DDX60: variants seen among roughly 807,000 people sequenced by gnomAD.
DDX60 encodes the protein probable ATP-dependent RNA helicase DDX60.
Under a neutral mutation model 212.8 loss-of-function variants are expected in DDX60, and 165 were observed. That is an observed-to-expected ratio of 0.78 (90% CI 0.68 to 0.88). The LOEUF (loss-of-function observed/expected upper bound fraction) is 0.88. Ranked by LOEUF, DDX60 falls within the 40% of genes least tolerant of loss-of-function variation. The pLI is 0.00. For synonymous variants in DDX60, 703 were observed against 685.3 expected, an observed-to-expected ratio of 1.03 and a Z score of -0.40; for missense variants, 1,905 against 2,003.9, an observed-to-expected ratio of 0.95 and a Z score of 0.94.
chr4:168,314,363 T>C (rs1259759056), intron 1 of DDX60, among the ~76,000 whole-genome samples: 1 of 151,608 alleles, frequency 6.6e-6, no homozygotes, highest in East Asian at 1.9e-4. Context: ...CAATAGACAT[T>C]TGAGGCACAC....
rs117561268 is a variant in DDX60, at chr4:168,231,368, C to T, written c.4533+4884G>A. Among the ~76,000 whole-genome samples, 10 of 151,332 alleles carry T rather than the reference C, an allele frequency of 6.6e-5. No individual in the cohort carries two copies. The East Asian group carries it at 1.7e-3, about 26-fold the overall frequency. ...CTAAATTGTTCTATGAAGCCAATATCATCTTAATGTCAAAACCAGGAAATG... is the reference window on the plus strand; with the variant it reads ...CTAAATTGTTCTATGAAGCCAATATTATCTTAATGTCAAAACCAGGAAATG... On this transcript the variant is annotated intron_variant, in intron 33 of 37. Coordinates refer to ENST00000393743, the MANE Select transcript of DDX60 (RefSeq NM_017631.6).
chr4:168,304,030 AT>A (rs1736768201), intron 5 of DDX60, among the ~76,000 whole-genome samples: 1 of 152,200 alleles, frequency 6.6e-6, no homozygotes, highest in South Asian at 2.1e-4. Flanking sequence ...TATGTACAGT[AT>A]ATAATACTTG....
intron 8 of DDX60, among the ~76,000 whole-genome samples, chr4:168,290,502 T>C (rs1736045399): frequency 6.6e-6 from 1 of 151,218 alleles, no homozygotes; most frequent in South Asian, 2.1e-4. Flanking sequence ...CTACTTTTTA[T>C]TTTTTTTGGT....
chr4:168,217,098 C>G, intron 37 of DDX60, 66 bp from the exon 38 acceptor site: 1 of 1,026,524 alleles, frequency 9.7e-7, no homozygotes, highest in Non-Finnish European at 1.4e-6. Context: ...AAAGGCTTTC[C>G]TTGGTTAGGC....
At chr4:168,238,236 CAAAAAAAAAAAAA>C (rs57638327) in intron 30 of DDX60, among the ~76,000 whole-genome samples, 4 of 80,892 alleles carry the variant, frequency 4.9e-5, no homozygotes, top group African/African-American at 8.5e-5. Context: ...TATGAAATTC[CAAAAAAAAAAAAA>C]AAAAAAAAAA....
chr4:168,325,214 T>C, the DDX60 span, among the ~76,000 whole-genome samples: 1 of 152,198 alleles, frequency 6.6e-6, no homozygotes, highest in African/African-American at 2.4e-5. Context: ...GTTTTAGTTT[T>C]GATTTTTCTC....
intron 1 of DDX60, among the ~76,000 whole-genome samples, chr4:168,315,690 T>G (rs888502259): frequency 6.6e-6 from 1 of 152,174 alleles, no homozygotes; most frequent in African/African-American, 2.4e-5. Flanking sequence ...GGTTTTCTGT[T>G]CCTGTGTTAG....
intron 16 of DDX60, 45 bp downstream of exon 16, chr4:168,275,300 T>C (rs1735284738): frequency 3.3e-6 from 5 of 1,529,838 alleles, no homozygotes; most frequent in Admixed American, 1.9e-5. Flanking sequence ...TGAGATCACA[T>C]ATAATAAGAA....
chr4:168,238,884 G>C (rs1733735702), intron 30 of DDX60, among the ~76,000 whole-genome samples: 1 of 152,126 alleles, frequency 6.6e-6, no homozygotes, highest in Admixed American at 6.6e-5. Flanking sequence ...AAACTACATA[G>C]ATGAAGATCT....
intron 6 of DDX60, among the ~76,000 whole-genome samples, chr4:168,299,092 T>C (rs1736533851): frequency 7.7e-6 from 1 of 129,046 alleles, no homozygotes; most frequent in African/African-American, 3.0e-5. Flanking sequence ...ACCCAGGAGG[T>C]GGAGGATGCA....
chr4:168,234,396 T>G (rs1733561589), intron 33 of DDX60, among the ~76,000 whole-genome samples: 1 of 152,018 alleles, frequency 6.6e-6, no homozygotes, highest in African/African-American at 2.4e-5. Flanking sequence ...ATTTTTTAAT[T>G]TTTTTTAATC....
intron 12 of DDX60, among the ~76,000 whole-genome samples, chr4:168,284,218 C>T (rs1244195725): frequency 6.6e-6 from 1 of 152,208 alleles, no homozygotes; most frequent in Non-Finnish European, 1.5e-5. Context: ...TATCCCCCCA[C>T]ACCTTGGTCA....
intron 6 of DDX60, among the ~76,000 whole-genome samples, chr4:168,301,760 G>A (rs956848801): frequency 6.6e-6 from 1 of 152,152 alleles, no homozygotes; most frequent in Non-Finnish European, 1.5e-5. Flanking sequence ...GATCTGCATA[G>A]TCACAAAGCA....
chr4:168,296,103 A>C (rs1163131190), intron 6 of DDX60, among the ~76,000 whole-genome samples: 1 of 152,190 alleles, frequency 6.6e-6, no homozygotes, highest in Non-Finnish European at 1.5e-5. Context: ...ACTACAACCA[A>C]TAATAATGTC....
chr4:168,315,181 G>C (rs2149558252), intron 1 of DDX60, among the ~76,000 whole-genome samples: 1 of 152,242 alleles, frequency 6.6e-6, no homozygotes, highest in African/African-American at 2.4e-5. Context: ...GTGTTTTCAA[G>C]CTACTTAAAT....
intron 27 of DDX60, 124 bp from the exon 28 acceptor site, chr4:168,251,230 T>C: frequency 3.6e-6 from 3 of 823,662 alleles, no homozygotes; most frequent in Non-Finnish European, 3.8e-6. Context: ...TGAAACTGAC[T>C]CTACATGAAT....
At chr4:168,325,832 CCTT>C in the DDX60 span, among the ~76,000 whole-genome samples, 1 of 152,192 alleles carries the variant, frequency 6.6e-6, no homozygotes, top group Non-Finnish European at 1.5e-5. Flanking sequence ...ATACTTAAAT[CCTT>C]CTTTGGTTCA....
At chr4:168,321,389 A>C (rs571394829), upstream of DDX60, among the ~76,000 whole-genome samples, 1 of 152,220 alleles carries the variant, frequency 6.6e-6, no homozygotes, top group South Asian at 2.1e-4. Context: ...CTTGCCTATA[A>C]TTTGTTAATC....
rs1735897927 is a variant in DDX60 at position 168,287,180 on chromosome 4, T to G, written c.1207A>C (p.Thr403Pro). 1.9e-6 allele frequency: 3 copies of G among 1,608,996 alleles called. No individual in the cohort carries two copies. Among genetic ancestry groups the G allele is most frequent in the Non-Finnish European group, 1.7e-6 (2 of 1,178,228 alleles). The change falls in exon 10 of 38, where the codon ACC becomes CCC. Residue 403 changes from threonine to proline, a missense_variant. Thr to Pro is a conservative substitution (Grantham distance 38). Transcript: ENST00000393743. ...VKGLHLNLGD[T>P]IMKDYEYLWN... ...AGATATTCATAATCTTTCATAATGG[T>G]ATCTCCCAAATTCAAATGTAGGCCT... is the stretch of plus-strand genomic sequence containing the variant.
Sources: gnomAD v4.1 joint callset for allele counts (sites outside exome capture counted in the v4.1 genomes callset) on GRCh38, gnomAD v4.1.1 for gene constraint, MANE v1.5 for transcripts, NCBI Gene and HGNC (gene_info 2026-07-23, HGNC 2026-07-21) for gene names.